The following LIMCH1 variants were observed in gnomAD, a reference collection of about 807,000 sequenced individuals.
LIMCH1 encodes the protein LIM and calponin homology domains 1.
In LIMCH1, 113 loss-of-function variants were observed where a neutral mutation model predicts 176.5. The ratio of observed to expected loss-of-function variants is 0.64; its 90% CI spans 0.55 to 0.75. LIMCH1 has a LOEUF of 0.75. Ranked by LOEUF, LIMCH1 falls within the 30% of genes least tolerant of loss-of-function variation. The probability of loss-of-function intolerance (pLI) is 0.00; values close to 1 mark genes in which losing one functional copy is unlikely to be tolerated. For synonymous variants in LIMCH1, 619 were observed against 645.9 expected, an observed-to-expected ratio of 0.96 and a Z score of 0.63; for missense variants, 1,674 against 1,814.9, an observed-to-expected ratio of 0.92 and a Z score of 1.41.
chr4:41,599,957 G>A (rs1244455281), intron 2 of LIMCH1, among the ~76,000 whole-genome samples: 2 of 151,718 alleles, frequency 1.3e-5, no homozygotes, highest in Admixed American at 6.6e-5. Context: ...TATACTATTT[G>A]CTTGATTTTT....
At position 41,402,209 on chromosome 4, in the gene LIMCH1, A is replaced by G. The variant is rs557181234; in HGVS notation, c.96+41273A>G. ...CTCAAAAGAAGACATTTATGCAGCC[A>G]AAAGACACATGAAAAATGCTCATCA... On this transcript the variant is annotated intron_variant, in intron 1 of 26. Coordinates refer to the LIMCH1 transcript ENST00000313860. Among the ~76,000 whole-genome samples the G allele has an allele frequency of 5.5e-4, 84 of 152,322 alleles. No homozygotes were observed. In the East Asian group the frequency reaches 7.9e-3, roughly 14 times the overall value.
intron 1 of LIMCH1, among the ~76,000 whole-genome samples, chr4:41,561,921 A>G (rs1182095006): frequency 1.3e-5 from 2 of 152,194 alleles, no homozygotes; most frequent in Admixed American, 6.6e-5. Flanking sequence ...AAATCTCCCC[A>G]AAGGCCTCTA....
intron 1 of LIMCH1, among the ~76,000 whole-genome samples, chr4:41,452,125 A>C (rs577101864): frequency 6.6e-5 from 10 of 152,334 alleles, no homozygotes; most frequent in African/African-American, 2.2e-4. Flanking sequence ...ATATTGAAAG[A>C]ACTGACAAAA....
intron 1 of LIMCH1, among the ~76,000 whole-genome samples, chr4:41,399,314 TAG>T (rs1417102021): frequency 1.3e-5 from 2 of 151,646 alleles, no homozygotes; most frequent in African/African-American, 4.8e-5. Context: ...CCCATAAGAA[TAG>T]AGAGGATGAA....
intron 2 of LIMCH1, among the ~76,000 whole-genome samples, chr4:41,520,404 C>CT (rs2076005336): frequency 6.6e-6 from 1 of 152,172 alleles, no homozygotes; most frequent in Admixed American, 6.5e-5. Flanking sequence ...TATCATTCAA[C>CT]TTTTTTCTCA....
intron 1 of LIMCH1, among the ~76,000 whole-genome samples, chr4:41,486,764 CTCTT>C (rs1319248335): frequency 2.0e-5 from 3 of 151,958 alleles, no homozygotes; most frequent in Admixed American, 6.6e-5. Flanking sequence ...GAATCTATGT[CTCTT>C]TCTTTCTTTT....
intron 1 of LIMCH1, among the ~76,000 whole-genome samples, chr4:41,403,637 T>A (rs1190366458): frequency 6.6e-6 from 1 of 152,204 alleles, no homozygotes; most frequent in Non-Finnish European, 1.5e-5. Context: ...TGTGTTTGGT[T>A]ACTCTCCAGT....
chr4:41,690,850 G>A (rs1374736157), intron 30 of LIMCH1, among the ~76,000 whole-genome samples: 1 of 152,130 alleles, frequency 6.6e-6, no homozygotes, highest in Non-Finnish European at 1.5e-5. Flanking sequence ...TTTCTATAGA[G>A]AACCATTCCA....
intron 28 of LIMCH1, among the ~76,000 whole-genome samples, chr4:41,687,404 C>T (rs1560389129): frequency 6.6e-6 from 1 of 152,120 alleles, no homozygotes; most frequent in African/African-American, 2.4e-5. Flanking sequence ...CCCTTTATCT[C>T]TGGGCTCTCC....
intron 20 of LIMCH1, among the ~76,000 whole-genome samples, chr4:41,663,574 G>A (rs1481885928): frequency 1.3e-5 from 2 of 152,074 alleles, no homozygotes; most frequent in African/African-American, 4.8e-5. Flanking sequence ...GATATAATAG[G>A]TTTTAAAGTC....
chr4:41,534,490 G>A (rs2077662519), upstream of LIMCH1, among the ~76,000 whole-genome samples: 1 of 152,150 alleles, frequency 6.6e-6, no homozygotes, highest in Non-Finnish European at 1.5e-5. Flanking sequence ...TGGGAACATG[G>A]GAATGAGAAA....
rs915500785 is a variant in LIMCH1, at chr4:41,620,759, G to A, written c.725+69G>A. On this transcript the variant is annotated intron_variant, in intron 7 of 31. Transcript: ENST00000503057. Reference sequence around the variant, plus strand: ...CCTGGGGATTTGGAATCTGTCTAGAGAGTTGGAGTTTTCATCTGATTTTTC... The same window carrying A: ...CCTGGGGATTTGGAATCTGTCTAGAAAGTTGGAGTTTTCATCTGATTTTTC... 4.2e-6 allele frequency: 6 copies of A among 1,443,106 alleles called. No homozygotes were observed. The East Asian group carries it at 7.5e-5, about 18-fold the overall frequency. 89.4% of individuals were successfully genotyped at this position (1,443,106 alleles called of 1,614,324 possible). A position where few individuals can be genotyped will look rare whatever the true frequency, so the allele number is the denominator to read the frequency against.
At chr4:41,596,474 G>GA (rs2088839579) in intron 1 of LIMCH1, among the ~76,000 whole-genome samples, 1 of 152,122 alleles carries the variant, frequency 6.6e-6, no homozygotes, top group South Asian at 2.1e-4. Flanking sequence ...AAAAAGGATT[G>GA]AAAACGATTT....
In LIMCH1 at chr4:41,613,498, T is replaced by C; in HGVS notation, c.42T>C (p.Ser14=). ...ATGACATTGAAAGTCCTAAACGCAGTATCCGAGACAGTGGCTACATCGACT... is the reference window on the plus strand; with the variant it reads ...ATGACATTGAAAGTCCTAAACGCAGCATCCGAGACAGTGGCTACATCGACT... ...DTDDIESPKR[S]IRDSGYIDCW... Residue 14 remains serine, a synonymous_variant, in exon 5 of 32, where the codon AGT becomes AGC. Coordinates refer to ENST00000503057, the MANE Select transcript of LIMCH1 (RefSeq NM_001330672.2). 1 of 1,614,156 alleles carries C rather than the reference T, an allele frequency of 6.2e-7. No individual in the cohort carries two copies. Among genetic ancestry groups the C allele is most frequent in the Non-Finnish European group, 8.5e-7 (1 of 1,180,006 alleles).
At chr4:41,556,628 A>T (rs966821140) in intron 1 of LIMCH1, among the ~76,000 whole-genome samples, 1 of 152,084 alleles carries the variant, frequency 6.6e-6, no homozygotes, top group African/African-American at 2.4e-5. Context: ...GAGGAAACTG[A>T]GACTTAGATG....
chr4:41,421,254 A>G (rs565693277), intron 1 of LIMCH1, among the ~76,000 whole-genome samples: 7 of 152,140 alleles, frequency 4.6e-5, no homozygotes, highest in Non-Finnish European at 8.8e-5. Context: ...GTGCTGTGAG[A>G]AGTGAGTTAC....
intron 18 of LIMCH1, among the ~76,000 whole-genome samples, chr4:41,655,813 G>T (rs1414958599): frequency 6.6e-6 from 1 of 151,910 alleles, no homozygotes; most frequent in Admixed American, 6.6e-5. Context: ...ATAGGCATGA[G>T]CCACCATGCC....
chr4:41,685,080 T>C (rs974576750), intron 27 of LIMCH1, among the ~76,000 whole-genome samples: 11 of 152,146 alleles, frequency 7.2e-5, no homozygotes, highest in African/African-American at 2.4e-5. Flanking sequence ...TTGAATGATA[T>C]AAAGAGGAGG....
In LIMCH1 at chr4:41,457,655, T is replaced by C. The variant is rs530027208; in HGVS notation, c.97-36881T>C. Among the ~76,000 whole-genome samples the C allele has an allele frequency of 1.9e-3, 296 of 152,300 alleles. 2 individuals are homozygous for C. The highest frequency in any genetic ancestry group is 6.9e-3 in the African/African-American group (288 of 41,578). ...GTTAGAACGTAGGCAGTGTGCAGTT[T>C]GGCTCTGGAGGCCACATCCCTAACG... On this transcript the variant is annotated intron_variant, in intron 1 of 26. Coordinates refer to the LIMCH1 transcript ENST00000313860.
Sources: gnomAD v4.1 joint callset for allele counts (sites outside exome capture counted in the v4.1 genomes callset) on GRCh38, gnomAD v4.1.1 for gene constraint, MANE v1.5 for transcripts, NCBI Gene and HGNC (gene_info 2026-07-23, HGNC 2026-07-21) for gene names.